CDK13: variants seen among roughly 807,000 people sequenced by gnomAD.
CDK13 encodes the protein cyclin-dependent kinase 13.
Under a neutral mutation model 137.6 loss-of-function variants are expected in CDK13, and 40 were observed. The observed-to-expected ratio is 0.29, with a 90% CI of 0.23 to 0.38. CDK13 has a LOEUF of 0.38. Among genes scored for constraint, CDK13 ranks in the 10% least tolerant of loss-of-function variants. The pLI, the probability that CDK13 is intolerant of heterozygous loss-of-function variation, is 1.00. For missense variants in CDK13, 1,704 were observed against 1,951.8 expected (o/e 0.87, Z 2.39); for synonymous variants, 869 against 760.1 (o/e 1.14, Z -2.36).
At chr7:39,981,541 A>C (rs894768439) in intron 1 of CDK13, among the ~76,000 whole-genome samples, 1 of 152,166 alleles carries the variant, frequency 6.6e-6, no homozygotes, top group Non-Finnish European at 1.5e-5. Flanking sequence ...CATTAGTAAA[A>C]ATGGCCTAAA....
rs998375490 is a variant in CDK13 at position 39,951,139 on chromosome 7, G to A, written c.498G>A (p.Thr166=). The A allele has an allele frequency of 2.8e-4, 346 of 1,242,766 alleles. No individual in the cohort carries two copies. Among genetic ancestry groups the A allele is most frequent in the Non-Finnish European group, 3.3e-4 (332 of 994,864 alleles). The allele number at this position is 1,242,766 out of a possible 1,614,324, so 77.0% of individuals were successfully genotyped here. A position where few individuals can be genotyped will look rare whatever the true frequency, so the allele number is the denominator to read the frequency against. Residue 166 remains threonine, a synonymous_variant, in exon 1 of 14, where the codon ACG becomes ACA. Coordinates refer to ENST00000181839, the MANE Select transcript of CDK13 (RefSeq NM_003718.5). ...TGCTGGGGGGGGCCAGCGCGGCAAC[G>A]GCGGCGACGGCTGCCGGGGGAACGG... ...GLLLGGASAA[T]AATAAGGTGG...
At chr7:40,011,784 A>G (rs915098677) in intron 5 of CDK13, among the ~76,000 whole-genome samples, 4 of 152,202 alleles carry the variant, frequency 2.6e-5, no homozygotes, top group African/African-American at 7.2e-5. Flanking sequence ...AAATAGATAA[A>G]TTGAACTTCA....
In CDK13 at chr7:39,951,532, C is replaced by T. The variant is rs374612677; in HGVS notation, c.891C>T (p.Pro297=). Residue 297 remains proline, a synonymous_variant, in exon 1 of 14, where the codon CCC becomes CCT. Coordinates refer to ENST00000181839, the MANE Select transcript of CDK13 (RefSeq NM_003718.5). ...CGCCTTCGGCCTACAAGGAACCGCC[C>T]AAGGCCTACCGGGAGGACAAGACCG... ...KEPPSAYKEP[P]KAYREDKTEP... 423 of 1,536,510 alleles carry T rather than the reference C, an allele frequency of 2.8e-4. 1 individual carries two copies. The African/African-American group carries it at 5.6e-3, about 20-fold the overall frequency.
Position 40,030,265 on chromosome 7 carries a change from A to G in CDK13, c.2354-15571A>G, listed in dbSNP as rs554128451. Among the ~76,000 whole-genome samples the G allele has an allele frequency of 5.0e-3, 690 of 138,298 alleles. 10 individuals are homozygous for G. Among genetic ancestry groups the G allele is most frequent in the African/African-American group, 0.018 (606 of 33,568 alleles). The allele number at this position is 138,298 out of a possible 152,430, so 90.7% of individuals were successfully genotyped here. On this transcript the variant is annotated intron_variant, in intron 5 of 13. Coordinates refer to ENST00000181839, the MANE Select transcript of CDK13 (RefSeq NM_003718.5). Reference sequence around the variant, plus strand: ...TGTGTGTGTATATGTGTGTGTGTATATATATATATAGAGAGAGAGAGAGAG... The same window carrying G: ...TGTGTGTGTATATGTGTGTGTGTATGTATATATATAGAGAGAGAGAGAGAG...
chr7:40,025,310 T>C (rs1785221278), intron 5 of CDK13, among the ~76,000 whole-genome samples: 1 of 152,234 alleles, frequency 6.6e-6, no homozygotes, highest in African/African-American at 2.4e-5. Context: ...TGAACAAGTC[T>C]TACTTGTCTT....
chr7:40,089,506 T>G (rs180875511), intron 12 of CDK13, among the ~76,000 whole-genome samples: 15 of 152,024 alleles, frequency 9.9e-5, no homozygotes, highest in Non-Finnish European at 1.9e-4. Flanking sequence ...TTCCTTTGAC[T>G]CAGTCTGTCA....
Position 39,950,527 on chromosome 7 carries a change from G to T in CDK13, c.-115G>T, listed in dbSNP as rs2116043642. 7.9e-7 allele frequency: 1 copy of T among 1,268,104 alleles called. No individual in the cohort carries two copies. Among genetic ancestry groups the T allele is most frequent in the African/African-American group, 1.5e-5 (1 of 64,664 alleles). The allele number at this position is 1,268,104 out of a possible 1,614,324, so 78.6% of individuals were successfully genotyped here. A position where few individuals can be genotyped will look rare whatever the true frequency, so the allele number is the denominator to read the frequency against. On this transcript the variant is annotated 5_prime_UTR_variant, in exon 1 of 14. Transcript: ENST00000181839. The stretch of plus-strand genomic sequence containing the variant: ...ATTATCGTGGCGCTTTTCCCGGCCG[G>T]CTCTGGTGCTCGGTGTCCCTCCGCC...
rs757313115 is a variant in CDK13 at position 39,988,043 on chromosome 7, G to A, written c.1656G>A (p.Leu552=). Residue 552 remains leucine (L), a synonymous_variant, in exon 2 of 14, where the codon TTG becomes TTA. Coordinates refer to ENST00000181839, the MANE Select transcript of CDK13 (RefSeq NM_003718.5). ...PLQVTKVENN[L]IVDKATKKAV... is the part of the protein sequence containing the mutation. ...AGGTAACGAAGGTGGAAAATAATTT[G>A]ATTGTAGATAAAGCCACCAAGAAAG... 6.2e-7 allele frequency: 1 copy of A among 1,613,958 alleles called. No individual in the cohort carries two copies. The highest frequency in any genetic ancestry group is 1.3e-5 in the African/African-American group (1 of 74,906).
intron 11 of CDK13, among the ~76,000 whole-genome samples, chr7:40,084,488 CAAA>C (rs1786742166): frequency 6.6e-6 from 1 of 152,016 alleles, no homozygotes; most frequent in Non-Finnish European, 1.5e-5. Context: ...CAAAAACAAA[CAAA>C]AAAGTTAGAA....
chr7:39,977,055 A>G (rs1462951135), intron 1 of CDK13, among the ~76,000 whole-genome samples: 4 of 152,194 alleles, frequency 2.6e-5, no homozygotes, highest in Non-Finnish European at 2.9e-5. Context: ...ATGGGAGTTC[A>G]TAGAATGGAG....
intron 3 of CDK13, chr7:39,998,730 A>G (rs1784616578): frequency 2.6e-5 from 4 of 152,114 alleles, no homozygotes; most frequent in Non-Finnish European, 5.9e-5. Flanking sequence ...AAATACTACA[A>G]AATTATGTAT....
At chr7:40,007,869 G>C (rs1784824967) in intron 5 of CDK13, among the ~76,000 whole-genome samples, 1 of 152,186 alleles carries the variant, frequency 6.6e-6, no homozygotes, top group Non-Finnish European at 1.5e-5. Context: ...GTAAGTGAAT[G>C]AATGAAATGG....
chr7:39,992,187 T>TGC (rs1394749231), intron 2 of CDK13, among the ~76,000 whole-genome samples: 17 of 151,730 alleles, frequency 1.1e-4, no homozygotes, highest in East Asian at 3.9e-4. Context: ...TGTGTGTGTG[T>TGC]GTGTGTGTGT....
intron 1 of CDK13, among the ~76,000 whole-genome samples, chr7:39,987,331 A>G (rs1435951358): frequency 6.6e-6 from 1 of 152,124 alleles, no homozygotes; most frequent in Non-Finnish European, 1.5e-5. Flanking sequence ...TTTTTCTGAG[A>G]CAGCAGTGAT....
At chr7:39,976,888 A>G (rs956903445) in intron 1 of CDK13, among the ~76,000 whole-genome samples, 1 of 152,164 alleles carries the variant, frequency 6.6e-6, no homozygotes. Flanking sequence ...TATTCAGTGA[A>G]TAAAACACTG....
chr7:40,078,776 A>G lies in CDK13; in HGVS notation c.2954A>G (p.Lys985Arg). The G allele has an allele frequency of 6.5e-7, 1 of 1,550,020 alleles. No individual in the cohort carries two copies. The highest frequency in any genetic ancestry group is 8.7e-7 in the Non-Finnish European group (1 of 1,145,956). ...TACATGCTTGCCTTGGATCCTAGTA[A>G]GCGCTGCACTGCTGAACAGGCTCTT... Reference protein sequence around the residue: ...FDYMLALDPSKRCTAEQALQC... With the variant: ...FDYMLALDPSRRCTAEQALQC... The change falls in exon 11 of 14, where the codon AAG becomes AGG. Residue 985 changes from lysine (K) to arginine (R), a missense_variant. Physicochemically the swap from Lys to Arg is conservative, Grantham distance 26. Transcript: ENST00000181839.
chr7:39,970,432 T>TA (rs1324252487), intron 1 of CDK13, among the ~76,000 whole-genome samples: 1 of 151,906 alleles, frequency 6.6e-6, no homozygotes, highest in Non-Finnish European at 1.5e-5. Context: ...ATAGCATACT[T>TA]ACATTTTCAT....
chr7:40,094,581 C>T lies in CDK13; in HGVS notation c.4140C>T (p.Tyr1380=). 2 of 1,612,984 alleles carry T rather than the reference C, an allele frequency of 1.2e-6. No homozygotes were observed. Among genetic ancestry groups the T allele is most frequent in the East Asian group, 2.2e-5 (1 of 44,894 alleles). Residue 1380 remains tyrosine (Y), a synonymous_variant, in exon 14 of 14, where the codon TAC becomes TAT. Coordinates refer to ENST00000181839, the MANE Select transcript of CDK13 (RefSeq NM_003718.5). The part of the protein sequence containing the change: ...GNSDIQSLDN[Y]STASSHSGGP... ...CAGATATTCAGTCTTTGGATAACTA[C>T]AGTACTGCTTCATCTCATTCTGGTG...
chr7:39,969,976 A>G (rs1184011474), intron 1 of CDK13, among the ~76,000 whole-genome samples: 3 of 151,744 alleles, frequency 2.0e-5, no homozygotes, highest in African/African-American at 7.3e-5. Flanking sequence ...AAACGTTTTA[A>G]ATTTTAATGA....
Sources: allele counts gnomAD v4.1 joint callset (sites outside exome capture counted in the v4.1 genomes callset), GRCh38; gene constraint gnomAD v4.1.1; transcripts MANE v1.5; gene names NCBI Gene and HGNC (gene_info 2026-07-23, HGNC 2026-07-21).